Variants in COMMD10 observed in about 807,000 individuals in gnomAD.
The protein encoded by COMMD10 is COMM domain-containing protein 10.
A neutral mutation model predicts 28.9 loss-of-function variants in COMMD10; 33 were observed. That is an observed-to-expected ratio of 1.14 (90% CI 0.87 to 1.53). The LOEUF is 1.53. COMMD10 is among the 40% of genes most tolerant of loss of function. The pLI is 0.00. For synonymous variants in COMMD10, 110 were observed against 81.7 expected (o/e 1.35, Z -1.87); for missense variants, 310 against 233.4 (o/e 1.33, Z -2.14).
At chr5:116,124,692 G>T (rs1266730294) in intron 4 of COMMD10, among the ~76,000 whole-genome samples, 1 of 152,134 alleles carries the variant, frequency 6.6e-6, no homozygotes, top group Non-Finnish European at 1.5e-5. Flanking sequence ...CATTGTTATT[G>T]TATGGGAGTC....
chr5:116,192,160 A>C (rs1452309277), intron 5 of COMMD10, among the ~76,000 whole-genome samples: 2 of 152,098 alleles, frequency 1.3e-5, no homozygotes, highest in Non-Finnish European at 2.9e-5. Flanking sequence ...GAATCTGAAC[A>C]ACAGCCTTCA....
At chr5:116,274,112 G>T (rs1335385704) in intron 5 of COMMD10, among the ~76,000 whole-genome samples, 4 of 151,690 alleles carry the variant, frequency 2.6e-5, no homozygotes, top group African/African-American at 9.7e-5. Context: ...AGTGAAGAGG[G>T]TCTGAAATTT....
chr5:116,187,618 T>C (rs544594015), intron 5 of COMMD10, among the ~76,000 whole-genome samples: 6 of 152,226 alleles, frequency 3.9e-5, no homozygotes, highest in African/African-American at 1.4e-4. Flanking sequence ...CTAAATTACT[T>C]CATATATTAA....
At chr5:116,167,906 A>G (rs962724838) in intron 5 of COMMD10, among the ~76,000 whole-genome samples, 1 of 152,216 alleles carries the variant, frequency 6.6e-6, no homozygotes, top group African/African-American at 2.4e-5. Flanking sequence ...CATCGACACT[A>G]TGAAGAAACT....
chr5:116,140,814 C>A (rs1752173464), intron 5 of COMMD10, among the ~76,000 whole-genome samples: 1 of 151,704 alleles, frequency 6.6e-6, no homozygotes, highest in Non-Finnish European at 1.5e-5. Flanking sequence ...TGTGTGAGTT[C>A]CTTATACATG....
intron 5 of COMMD10, among the ~76,000 whole-genome samples, chr5:116,226,939 C>T (rs1439497276): frequency 2.0e-5 from 3 of 151,980 alleles, no homozygotes; most frequent in South Asian, 4.1e-4. Context: ...AGACGTTCTC[C>T]CATTTCACTC....
At chr5:116,089,936 A>G (rs181650601) in intron 2 of COMMD10, among the ~76,000 whole-genome samples, 1 of 152,286 alleles carries the variant, frequency 6.6e-6, no homozygotes, top group African/African-American at 2.4e-5. Flanking sequence ...ACTTTCATTT[A>G]TGTATCCCGA....
intron 4 of COMMD10, among the ~76,000 whole-genome samples, chr5:116,118,666 A>C (rs1305740467): frequency 6.6e-6 from 1 of 152,054 alleles, no homozygotes; most frequent in Non-Finnish European, 1.5e-5. Flanking sequence ...CTAGAGTACT[A>C]GATTCTAGTC....
At chr5:116,163,634 A>G (rs1752996354) in intron 5 of COMMD10, among the ~76,000 whole-genome samples, 1 of 152,056 alleles carries the variant, frequency 6.6e-6, no homozygotes, top group Non-Finnish European at 1.5e-5. Context: ...ACTCAACACA[A>G]GGAAACTATC....
chr5:116,139,686 G>T (rs1752134939), intron 5 of COMMD10, among the ~76,000 whole-genome samples: 1 of 151,166 alleles, frequency 6.6e-6, no homozygotes, highest in African/African-American at 2.4e-5. Flanking sequence ...ACATACAAAT[G>T]AGATAATTCA....
At chr5:116,216,901 A>G (rs1356972685) in intron 5 of COMMD10, among the ~76,000 whole-genome samples, 7 of 152,118 alleles carry the variant, frequency 4.6e-5, no homozygotes, top group African/African-American at 1.4e-4. Context: ...TTTAGTTAAC[A>G]TTTTTTAACC....
chr5:116,258,842 AC>A (rs970206583), intron 5 of COMMD10, among the ~76,000 whole-genome samples: 12 of 151,152 alleles, frequency 7.9e-5, no homozygotes, highest in South Asian at 2.1e-4. Context: ...TTTGTCTGAA[AC>A]CCGAATCTAC....
chr5:116,291,369 G>T (rs1461165696), intron 5 of COMMD10, 148 bp from the exon 6 acceptor site: 4 of 586,528 alleles, frequency 6.8e-6, no homozygotes, highest in Non-Finnish European at 1.2e-5. Context: ...TGAGTTCTAG[G>T]AATCATGGGG....
At chr5:116,102,073 AT>A (rs1199274333) in intron 4 of COMMD10, among the ~76,000 whole-genome samples, 4 of 152,016 alleles carry the variant, frequency 2.6e-5, no homozygotes, top group Non-Finnish European at 4.4e-5. Context: ...ACTAAGTTCC[AT>A]TTGTCTATTT....
intron 5 of COMMD10, among the ~76,000 whole-genome samples, chr5:116,239,317 A>C (rs1749756158): frequency 6.6e-6 from 1 of 152,206 alleles, no homozygotes; most frequent in African/African-American, 2.4e-5. Context: ...TTTCTCTTCA[A>C]AGAAGCCTCA....
At chr5:116,085,118 G>T in intron 1 of COMMD10, 25 bp downstream of exon 1, 1 of 1,603,240 alleles carries the variant, frequency 6.2e-7, no homozygotes, top group African/African-American at 1.3e-5. Context: ...AAGCTCTTGC[G>T]GTAGCCGCGC....
intron 5 of COMMD10, among the ~76,000 whole-genome samples, chr5:116,268,544 G>T (rs6861437): frequency 2.0e-5 from 3 of 151,774 alleles, no homozygotes; most frequent in Non-Finnish European, 2.9e-5. Context: ...ACAGTGTGGC[G>T]ATTCCTCAAG....
intron 5 of COMMD10, among the ~76,000 whole-genome samples, chr5:116,257,351 C>G (rs771090327): frequency 6.6e-6 from 1 of 151,686 alleles, no homozygotes; most frequent in African/African-American, 2.4e-5. Context: ...AACTTGTTGT[C>G]TACTGAGTAA....
At chr5:116,123,182 AGTTT>A (rs1751502774) in intron 4 of COMMD10, among the ~76,000 whole-genome samples, 1 of 152,110 alleles carries the variant, frequency 6.6e-6, no homozygotes, top group Non-Finnish European at 1.5e-5. Flanking sequence ...ATCAATACCT[AGTTT>A]ATTCCAACAA....
Sources: gnomAD v4.1 joint callset for allele counts (sites outside exome capture counted in the v4.1 genomes callset) on GRCh38, gnomAD v4.1.1 for gene constraint, MANE v1.5 for transcripts, NCBI Gene and HGNC (gene_info 2026-07-23, HGNC 2026-07-21) for gene names.